Variants in ASRGL1 observed in about 807,000 individuals in gnomAD.
ASRGL1 encodes isoaspartyl peptidase/L-asparaginase.
Under a neutral mutation model 22.4 loss-of-function variants are expected in ASRGL1, and 16 were observed. The ratio of observed to expected loss-of-function variants is 0.71; its 90% confidence interval spans 0.48 to 1.08. The LOEUF (loss-of-function observed/expected upper bound fraction) is 1.08, where lower values mean the gene tolerates loss of function less well. Among genes scored for constraint, ASRGL1 ranks in the 50% least tolerant of loss-of-function variants. The pLI, the probability that ASRGL1 is intolerant of heterozygous loss-of-function variation, is 0.00. For synonymous variants in ASRGL1, 165 were observed against 159.3 expected (o/e 1.04, Z -0.27); for missense variants, 412 against 410.1 (o/e 1.00, Z -0.04).
rs188815973 is a variant in ASRGL1 at position 62,345,966 on chromosome 11, A to G, written c.190+7799A>G. Among the ~76,000 whole-genome samples the G allele has an allele frequency of 1.1e-3, 164 of 152,310 alleles. 2 individuals are homozygous for G. The highest frequency in any genetic ancestry group is 2.4e-4 in the Non-Finnish European group (16 of 68,012). ...CCCAGTTCCTAACAGGCCACAGACC[A>G]GTACCAGTACCTGGGGGTTGGGGAC... On this transcript the variant is annotated intron_variant, in intron 2 of 6. Coordinates refer to ENST00000415229, the MANE Select transcript of ASRGL1 (RefSeq NM_001083926.2).
intron 2 of ASRGL1, among the ~76,000 whole-genome samples, chr11:62,345,104 T>C (rs1324956606): frequency 6.6e-6 from 1 of 152,206 alleles, no homozygotes; most frequent in African/African-American, 2.4e-5. Flanking sequence ...ATCATTTCTT[T>C]ATTCATCTGT....
chr11:62,397,302 A>C (rs1326297467), downstream of ASRGL1, among the ~76,000 whole-genome samples: 1 of 150,682 alleles, frequency 6.6e-6, no homozygotes, highest in Non-Finnish European at 1.5e-5. Flanking sequence ...TGCTGGGATT[A>C]CAGGCGTGAG....
intron 2 of ASRGL1, 44 bp from the exon 3 acceptor site, chr11:62,356,281 C>G: frequency 1.2e-6 from 2 of 1,606,094 alleles, no homozygotes; most frequent in South Asian, 2.2e-5. Flanking sequence ...CCGGACGGGG[C>G]GTAAATTCTT....
downstream of ASRGL1, among the ~76,000 whole-genome samples, chr11:62,397,111 C>A (rs112361781): frequency 1.3e-3 from 196 of 152,248 alleles, 2 homozygotes; most frequent in African/African-American, 4.5e-3. Context: ...CTCACTGCAA[C>A]CTCCGTCTCC....
rs974869275 is a variant in ASRGL1, at chr11:62,337,888, A to T, written c.-88-2A>T. ...AACAGAGACTGGGCATTGTCCCCAC[A>T]GGGTCTCCCGAGGACCTTGTACCCG... On this transcript the variant is annotated splice_acceptor_variant, in intron 1 of 6. Transcript: ENST00000415229. LOFTEE classifies it low-confidence loss of function (5UTR_SPLICE). The T allele has an allele frequency of 1.4e-5, 19 of 1,385,346 alleles. No individual in the cohort carries two copies. The East Asian group carries it at 4.5e-4, about 33-fold the overall frequency. 85.8% of individuals were successfully genotyped at this position (1,385,346 alleles called of 1,614,324 possible). A position where few individuals can be genotyped will look rare whatever the true frequency, so the allele number is the denominator to read the frequency against.
intron 4 of ASRGL1, chr11:62,383,067 G>A (rs1947112531): frequency 6.6e-6 from 1 of 152,142 alleles, no homozygotes; most frequent in Non-Finnish European, 1.5e-5. Flanking sequence ...CACAGTAACA[G>A]CCTGATCTCT....
chr11:62,356,184 C>T lies in ASRGL1; in HGVS notation c.191-141C>T, dbSNP rs554041193. On this transcript the variant is annotated intron_variant, in intron 2 of 6. Coordinates refer to ENST00000415229, the MANE Select transcript of ASRGL1 (RefSeq NM_001083926.2). ...GGCGGGGCAGAGGGGCTCCTCACTTCCCAGTAGGGGCAGCCGGGCAGAGGC... is the reference window on the plus strand; with the variant it reads ...GGCGGGGCAGAGGGGCTCCTCACTTTCCAGTAGGGGCAGCCGGGCAGAGGC... 48 of 956,810 alleles carry T rather than the reference C, an allele frequency of 5.0e-5. No individual in the cohort carries two copies. In the African/African-American group the frequency reaches 6.5e-4, roughly 13 times the overall value. The allele number at this position is 956,810 out of a possible 1,614,324, so 59.3% of individuals were successfully genotyped here.
intron 5 of ASRGL1, among the ~76,000 whole-genome samples, chr11:62,391,105 G>A (rs997081660): frequency 6.6e-6 from 1 of 152,198 alleles, no homozygotes; most frequent in African/African-American, 2.4e-5. Flanking sequence ...TAGGTTGTGG[G>A]TATCATTTTC....
At chr11:62,386,888 GAA>G (rs1299962118) in intron 4 of ASRGL1, among the ~76,000 whole-genome samples, 1 of 144,634 alleles carries the variant, frequency 6.9e-6, no homozygotes, top group Non-Finnish European at 1.5e-5. Context: ...GGAGTGGAAA[GAA>G]TGATTTTTTT....
chr11:62,384,346 T>C (rs1041838714), intron 4 of ASRGL1, among the ~76,000 whole-genome samples: 27 of 151,926 alleles, frequency 1.8e-4, no homozygotes, highest in Non-Finnish European at 3.7e-4. Context: ...CTACTAAGAA[T>C]ACAGAAAAAT....
intron 4 of ASRGL1, among the ~76,000 whole-genome samples, chr11:62,366,778 A>G (rs1368373540): frequency 6.6e-6 from 1 of 152,100 alleles, no homozygotes; most frequent in Non-Finnish European, 1.5e-5. Context: ...CTTGAGTAGC[A>G]GGAACTACAG....
chr11:62,341,964 ATTTAT>A (rs978951800), intron 2 of ASRGL1, among the ~76,000 whole-genome samples: 1 of 152,290 alleles, frequency 6.6e-6, no homozygotes, highest in African/African-American at 2.4e-5. Flanking sequence ...TCGAACATTA[ATTTAT>A]TTTATTTAGT....
downstream of ASRGL1, among the ~76,000 whole-genome samples, chr11:62,397,670 A>G: frequency 7.0e-6 from 1 of 142,736 alleles, no homozygotes; most frequent in East Asian, 2.1e-4. Flanking sequence ...GTCTCAAAAA[A>G]AAAAAAAAAA....
chr11:62,356,607 T>A, intron 3 of ASRGL1, 140 bp downstream of exon 3: 6 of 1,123,484 alleles, frequency 5.3e-6, no homozygotes, highest in Non-Finnish European at 7.5e-6. Context: ...TATTTGAGTT[T>A]CTCAAATCAG....
downstream of ASRGL1, among the ~76,000 whole-genome samples, chr11:62,395,759 CTTTTTTTTTT>C (rs564952668): frequency 0.047 from 3,387 of 71,832 alleles, 165 homozygotes; most frequent in African/African-American, 0.16. Context: ...GTAGCTGTTT[CTTTTTTTTTT>C]TTTTTTTTTT....
At chr11:62,376,909 A>T (rs558050360) in intron 4 of ASRGL1, among the ~76,000 whole-genome samples, 18 of 152,254 alleles carry the variant, frequency 1.2e-4, no homozygotes, top group Non-Finnish European at 1.8e-4. Context: ...AGCTGCCCAT[A>T]TGAAATGTGA....
intron 4 of ASRGL1, among the ~76,000 whole-genome samples, chr11:62,363,387 A>C (rs969103439): frequency 7.9e-5 from 12 of 152,186 alleles, no homozygotes; most frequent in Non-Finnish European, 1.6e-4. Context: ...ATAATCCCTA[A>C]ACCAGTTTCT....
intron 4 of ASRGL1, among the ~76,000 whole-genome samples, chr11:62,387,752 C>T (rs1490768582): frequency 2.0e-5 from 3 of 152,048 alleles, no homozygotes; most frequent in African/African-American, 7.2e-5. Context: ...ATATTATTGC[C>T]CTGTTACTAC....
chr11:62,349,032 G>A (rs758602586), intron 2 of ASRGL1, among the ~76,000 whole-genome samples: 2 of 151,732 alleles, frequency 1.3e-5, no homozygotes, highest in Non-Finnish European at 2.9e-5. Context: ...GCAGTGGCAC[G>A]ATCTCGGCTC....
Sources: gnomAD v4.1 joint callset for allele counts (sites outside exome capture counted in the v4.1 genomes callset) on GRCh38, gnomAD v4.1.1 for gene constraint, MANE v1.5 for transcripts, NCBI Gene and HGNC (gene_info 2026-07-23, HGNC 2026-07-21) for gene names.